Variants in GOT2 observed in about 807,000 individuals in gnomAD.
The protein encoded by GOT2 is glutamic-oxaloacetic transaminase 2, also known as aspartate aminotransferase, mitochondrial.
A neutral mutation model predicts 50.0 loss-of-function variants in GOT2; 17 were observed. The ratio of observed to expected loss-of-function variants is 0.34; its 90% CI spans 0.23 to 0.51. The LOEUF (loss-of-function observed/expected upper bound fraction) is 0.51, where lower values mean the gene tolerates loss of function less well. Among genes scored for constraint, GOT2 ranks in the 20% least tolerant of loss-of-function variants. The pLI is 0.97. For missense variants in GOT2, 430 were observed against 559.6 expected (o/e 0.77, Z 2.34); for synonymous variants, 172 against 204.9 (o/e 0.84, Z 1.37).
At position 58,707,197 on chromosome 16, in the gene GOT2, G is replaced by T. The variant is rs2044610502; in HGVS notation, c.*974C>A. The T allele has an allele frequency of 1.3e-5, 2 of 152,224 alleles. No individual in the cohort carries two copies. The highest frequency in any genetic ancestry group is 1.3e-4 in the Admixed American group (2 of 15,276). The allele number at this position is 152,224 out of a possible 1,614,324, so 9.4% of individuals were successfully genotyped here. On this transcript the variant is annotated 3_prime_UTR_variant, in exon 10 of 10. Transcript: ENST00000245206. The stretch of plus-strand genomic sequence containing the variant: ...GCAATAAGTCTACATGGTTAGAGCA[G>T]ATGGTGGTTCTTTCCAGTGGGTGAA...
chr16:58,722,174 G>A lies in GOT2; in HGVS notation c.351C>T (p.Asn117=), dbSNP rs150842866. ...CCCGGCCACTCTTCAAGACTTCGCT[G>A]TTCTCACCCAGGGCTAGTTCTGCAG... ...KASAELALGE[N]SEVLKSGRFV... Residue 117 remains asparagine, a synonymous_variant, in exon 3 of 10, where the codon AAC becomes AAT. Transcript: ENST00000245206. 388 of 1,612,232 alleles carry A rather than the reference G, an allele frequency of 2.4e-4. 1 individual carries two copies. The African/African-American group carries it at 4.2e-3, about 18-fold the overall frequency.
At chr16:58,725,395 G>T (rs765884629) in intron 1 of GOT2, among the ~76,000 whole-genome samples, 1 of 152,108 alleles carries the variant, frequency 6.6e-6, no homozygotes, top group Non-Finnish European at 1.5e-5. Context: ...GATTACAGGC[G>T]TGAGCCACTG....
chr16:58,729,478 T>C (rs1180132819), intron 1 of GOT2, among the ~76,000 whole-genome samples: 5 of 141,416 alleles, frequency 3.5e-5, no homozygotes, highest in East Asian at 4.1e-4. Context: ...CTGGGCTACA[T>C]AGAGACCCTG....
chr16:58,731,306 G>A (rs537188432), intron 1 of GOT2, among the ~76,000 whole-genome samples: 3 of 152,114 alleles, frequency 2.0e-5, no homozygotes, highest in South Asian at 4.2e-4. Flanking sequence ...CACCATGCCC[G>A]GCTAATTTTT....
intron 1 of GOT2, among the ~76,000 whole-genome samples, chr16:58,725,542 T>C (rs965154200): frequency 6.6e-6 from 1 of 152,244 alleles, no homozygotes; most frequent in Non-Finnish European, 1.5e-5. Flanking sequence ...GACACATTGA[T>C]TACCAAGCAT....
intron 7 of GOT2, 156 bp downstream of exon 7, chr16:58,716,507 T>C (rs996087885): frequency 2.0e-4 from 138 of 676,504 alleles, no homozygotes; most frequent in Admixed American, 2.3e-4. Flanking sequence ...ATCAGTAAAA[T>C]CTACGATACT....
chr16:58,729,762 G>GT (rs2044818188), intron 1 of GOT2, among the ~76,000 whole-genome samples: 1 of 151,616 alleles, frequency 6.6e-6, no homozygotes, highest in South Asian at 2.1e-4. Flanking sequence ...AAAATGACAT[G>GT]TTTTTATCGC....
intron 8 of GOT2, among the ~76,000 whole-genome samples, chr16:58,714,048 A>G (rs1362725375): frequency 6.6e-6 from 1 of 151,906 alleles, no homozygotes; most frequent in African/African-American, 2.4e-5. Flanking sequence ...TGGTAGGTTA[A>G]TTTTTTTATT....
At chr16:58,711,494 T>A (rs982761702) in intron 8 of GOT2, among the ~76,000 whole-genome samples, 2 of 152,118 alleles carry the variant, frequency 1.3e-5, no homozygotes, top group African/African-American at 4.8e-5. Context: ...TCCTAAACCA[T>A]CTCTGTATAA....
intron 1 of GOT2, among the ~76,000 whole-genome samples, chr16:58,733,100 G>C (rs1205849912): frequency 6.6e-6 from 1 of 152,124 alleles, no homozygotes; most frequent in East Asian, 1.9e-4. Flanking sequence ...TACCTGCTTG[G>C]GGGTGGTTTT....
chr16:58,734,273 G>A lies in GOT2; in HGVS notation c.-45C>T, dbSNP rs1191778698. The A allele has an allele frequency of 7.4e-6, 8 of 1,078,026 alleles. No individual in the cohort carries two copies. The East Asian group carries it at 2.4e-4, about 33-fold the overall frequency. The allele number at this position is 1,078,026 out of a possible 1,614,324, so 66.8% of individuals were successfully genotyped here. A position where few individuals can be genotyped will look rare whatever the true frequency, so the allele number is the denominator to read the frequency against. The stretch of plus-strand genomic sequence containing the variant: ...GTGGGCAGCCGCAGGACGGAGCAGA[G>A]GGCGAGCGGACACACACACAGGGAA... On this transcript the variant is annotated 5_prime_UTR_variant, in exon 1 of 10. Coordinates refer to ENST00000245206, the MANE Select transcript of GOT2 (RefSeq NM_002080.4).
intron 8 of GOT2, among the ~76,000 whole-genome samples, chr16:58,715,103 G>T (rs549646777): frequency 2.0e-5 from 3 of 152,220 alleles, no homozygotes; most frequent in Admixed American, 2.0e-4. Flanking sequence ...CAGCACTTAG[G>T]GAGTCTGTGG....
chr16:58,716,927 A>C, intron 6 of GOT2, 114 bp from the exon 7 acceptor site: 1 of 907,620 alleles, frequency 1.1e-6, no homozygotes. Context: ...TAAGCACAAT[A>C]AGCCTTTTCT....
intron 8 of GOT2, among the ~76,000 whole-genome samples, chr16:58,712,237 C>A (rs140503094): frequency 6.6e-6 from 1 of 152,122 alleles, no homozygotes; most frequent in Admixed American, 6.6e-5. Context: ...TGTGGCCAGG[C>A]GCGGTGGCTC....
chr16:58,729,183 C>A lies in GOT2; in HGVS notation c.89+4957G>T, dbSNP rs145601236. ...AGTAAGAAGCACAGATACCTTAAACCAACTTCTGAACTGGGCCTGAAGAAA... is the reference window on the plus strand; with the variant it reads ...AGTAAGAAGCACAGATACCTTAAACAAACTTCTGAACTGGGCCTGAAGAAA... On this transcript the variant is annotated intron_variant, in intron 1 of 9. Coordinates refer to ENST00000245206, the MANE Select transcript of GOT2 (RefSeq NM_002080.4). Among the ~76,000 whole-genome samples the A allele has an allele frequency of 1.5e-4, 22 of 151,468 alleles. No homozygotes were observed. In the East Asian group the frequency reaches 4.1e-3, roughly 28 times the overall value.
At chr16:58,733,587 G>A (rs7185829) in intron 1 of GOT2, among the ~76,000 whole-genome samples, 2,950 of 152,252 alleles carry the variant, frequency 0.019, 95 homozygotes, top group African/African-American at 0.066. Flanking sequence ...GCAAGGTCAG[G>A]AGAATGCCGC....
At chr16:58,733,479 A>AAAAAC (rs758562772) in intron 1 of GOT2, among the ~76,000 whole-genome samples, 1 of 152,106 alleles carries the variant, frequency 6.6e-6, no homozygotes, top group Non-Finnish European at 1.5e-5. Context: ...GCAATAAGGA[A>AAAAAC]AAAACAAAAC....
intron 1 of GOT2, among the ~76,000 whole-genome samples, chr16:58,732,101 T>TGGGA (rs749556589): frequency 6.6e-6 from 1 of 152,134 alleles, no homozygotes. Context: ...GGGGCTGATG[T>TGGGA]GGGAGGAGTC....
At chr16:58,717,557 T>G (rs536784527) in intron 6 of GOT2, among the ~76,000 whole-genome samples, 1 of 152,218 alleles carries the variant, frequency 6.6e-6, no homozygotes, top group African/African-American at 2.4e-5. Flanking sequence ...GGAGAGGACA[T>G]GAAAAAGTGT....
Sources: allele counts gnomAD v4.1 joint callset (sites outside exome capture counted in the v4.1 genomes callset), GRCh38; gene constraint gnomAD v4.1.1; transcripts MANE v1.5; gene names NCBI Gene and HGNC (gene_info 2026-07-23, HGNC 2026-07-21).